ZNF609: variants seen among roughly 807,000 people sequenced by gnomAD.
The protein encoded by ZNF609 is zinc finger protein 609.
In ZNF609, 11 loss-of-function variants were observed where a neutral mutation model predicts 109.5. The ratio of observed to expected loss-of-function variants is 0.10; its 90% CI spans 0.06 to 0.17. ZNF609 has a LOEUF of 0.17. ZNF609 is among the 10% of genes least tolerant of loss of function. The pLI is 1.00. For synonymous variants in ZNF609, 646 were observed against 662.0 expected (o/e 0.98, Z 0.37); for missense variants, 1,559 against 1,772.4 (o/e 0.88, Z 2.16).
intron 3 of ZNF609, among the ~76,000 whole-genome samples, chr15:64,633,430 A>G (rs907245038): frequency 6.6e-6 from 1 of 152,118 alleles, no homozygotes; most frequent in Non-Finnish European, 1.5e-5. Context: ...TATAGGCGTG[A>G]ACCACTACAC....
intron 3 of ZNF609, among the ~76,000 whole-genome samples, chr15:64,659,332 T>TAGTA (rs1188855210): frequency 6.6e-6 from 1 of 152,228 alleles, no homozygotes; most frequent in Non-Finnish European, 1.5e-5. Context: ...TTCCTTTGGT[T>TAGTA]AGTAGCTATA....
intron 3 of ZNF609, among the ~76,000 whole-genome samples, chr15:64,667,482 G>T (rs1214884282): frequency 6.6e-6 from 1 of 152,136 alleles, no homozygotes; most frequent in Non-Finnish European, 1.5e-5. Flanking sequence ...TCTGAGGTGG[G>T]CAGATCACCT....
At chr15:64,678,893 C>T (rs1022339253) in intron 6 of ZNF609, among the ~76,000 whole-genome samples, 1 of 152,202 alleles carries the variant, frequency 6.6e-6, no homozygotes, top group Admixed American at 6.5e-5. Context: ...GAGCTTACAG[C>T]TTAATCATAG....
At chr15:64,467,423 T>C (rs1168675226) in intron 1 of ZNF609, among the ~76,000 whole-genome samples, 2 of 152,250 alleles carry the variant, frequency 1.3e-5, no homozygotes, top group Admixed American at 1.3e-4. Flanking sequence ...CCATCAGTTA[T>C]CTATGCCAGA....
intron 2 of ZNF609, among the ~76,000 whole-genome samples, chr15:64,613,234 T>C (rs1176072465): frequency 6.6e-6 from 1 of 152,012 alleles, no homozygotes; most frequent in East Asian, 1.9e-4. Flanking sequence ...GGTGGGAGGA[T>C]TGCTTGAGCC....
chr15:64,650,500 A>G (rs1309896861), intron 3 of ZNF609, among the ~76,000 whole-genome samples: 1 of 152,194 alleles, frequency 6.6e-6, no homozygotes, highest in Non-Finnish European at 1.5e-5. Context: ...ATGACAGACA[A>G]CATAAAATTT....
chr15:64,465,738 A>G (rs778441997), intron 1 of ZNF609, among the ~76,000 whole-genome samples: 36 of 152,140 alleles, frequency 2.4e-4, no homozygotes, highest in Non-Finnish European at 4.4e-4. Context: ...TTTCCCTGAC[A>G]TTGACATTAA....
intron 2 of ZNF609, among the ~76,000 whole-genome samples, chr15:64,594,136 C>G (rs1052496395): frequency 2.0e-5 from 3 of 152,180 alleles, no homozygotes; most frequent in Non-Finnish European, 4.4e-5. Flanking sequence ...TGAACCCACT[C>G]CCAGAGCCAG....
At chr15:64,582,918 AT>A in intron 2 of ZNF609, among the ~76,000 whole-genome samples, 2 of 149,326 alleles carry the variant, frequency 1.3e-5, no homozygotes, top group African/African-American at 2.5e-5. Flanking sequence ...CGCCCGGCTA[AT>A]TTTTTGTATT....
chr15:64,493,984 G>C (rs1893449292), intron 1 of ZNF609, among the ~76,000 whole-genome samples: 1 of 152,216 alleles, frequency 6.6e-6, no homozygotes, highest in African/African-American at 2.4e-5. Context: ...CAATTTTACA[G>C]TGTATCTTTG....
intron 2 of ZNF609, among the ~76,000 whole-genome samples, chr15:64,570,533 A>G (rs537826792): frequency 6.6e-6 from 1 of 152,268 alleles, no homozygotes; most frequent in East Asian, 1.9e-4. Context: ...AGTGGAACCA[A>G]GGTTCTGGAC....
rs61745539 is a variant in ZNF609, at chr15:64,675,986, G to A, written c.3132G>A (p.Pro1044=). The change falls in exon 5 of 10, where the codon CCG becomes CCA. Residue 1044 remains proline, a synonymous_variant. Coordinates refer to ENST00000326648, the MANE Select transcript of ZNF609 (RefSeq NM_015042.2). ...AALKEEWKQK[P]SIPPTLTKAP... is the part of the protein sequence containing the mutation. ...TCAAGGAAGAGTGGAAGCAAAAGCC[G>A]TCAATTCCACCAACTCTCACCAAGG... The A allele has an allele frequency of 6.4e-4, 1,027 of 1,614,198 alleles. 3 individuals are homozygous for A. In the African/African-American group the frequency reaches 0.011, roughly 18 times the overall value.
chr15:64,487,956 G>T (rs1022920060), intron 1 of ZNF609, among the ~76,000 whole-genome samples: 5 of 152,108 alleles, frequency 3.3e-5, no homozygotes, highest in Admixed American at 2.6e-4. Context: ...TTTTAAGTGT[G>T]ACACTTGGAT....
At chr15:64,541,376 G>A (rs1036745361) in intron 2 of ZNF609, among the ~76,000 whole-genome samples, 7 of 147,152 alleles carry the variant, frequency 4.8e-5, no homozygotes, top group African/African-American at 7.6e-5. Flanking sequence ...GCAGTGAGCC[G>A]AGATCGCGCC....
chr15:64,488,237 C>T (rs1012636031), intron 1 of ZNF609, among the ~76,000 whole-genome samples: 1 of 152,080 alleles, frequency 6.6e-6, no homozygotes, highest in Non-Finnish European at 1.5e-5. Context: ...TGACAGCTGA[C>T]TGCTAATTGA....
At chr15:64,638,266 G>T (rs137870554) in intron 3 of ZNF609, among the ~76,000 whole-genome samples, 11 of 150,900 alleles carry the variant, frequency 7.3e-5, no homozygotes, top group South Asian at 4.2e-4. Flanking sequence ...ATACATTTAC[G>T]TATTCTTGTG....
At chr15:64,680,121 T>C in intron 6 of ZNF609, 64 bp from the exon 7 acceptor site, 1 of 1,560,218 alleles carries the variant, frequency 6.4e-7, no homozygotes, top group Admixed American at 1.8e-5. Flanking sequence ...CCAATCAAGC[T>C]CACTAAAGCA....
intron 2 of ZNF609, among the ~76,000 whole-genome samples, chr15:64,579,753 T>C (rs1895065977): frequency 6.6e-6 from 1 of 152,206 alleles, no homozygotes; most frequent in African/African-American, 2.4e-5. Context: ...GTTCCCTTCT[T>C]TGTCCTTTGT....
intron 3 of ZNF609, among the ~76,000 whole-genome samples, chr15:64,658,792 CA>C (rs199554544): frequency 1.4e-3 from 187 of 132,856 alleles, no homozygotes; most frequent in Admixed American, 1.6e-3. Flanking sequence ...GATCCTGTCT[CA>C]AAAAAAAAAA....
Sources: allele counts gnomAD v4.1 joint callset (sites outside exome capture counted in the v4.1 genomes callset), GRCh38; gene constraint gnomAD v4.1.1; transcripts MANE v1.5; gene names NCBI Gene and HGNC (gene_info 2026-07-23, HGNC 2026-07-21).